The following CAMKMT variants were observed in gnomAD, a reference collection of about 807,000 sequenced individuals.
CAMKMT encodes the protein calmodulin-lysine N-methyltransferase.
CAMKMT carries 53 observed loss-of-function variants against 48.0 expected under a neutral mutation model. That is an observed-to-expected ratio of 1.10 (90% CI 0.89 to 1.39). The LOEUF is 1.39. CAMKMT is among the 40% of genes most tolerant of loss of function. The probability of loss-of-function intolerance (pLI) is 0.00; values close to 1 mark genes in which losing one functional copy is unlikely to be tolerated. For synonymous variants in CAMKMT, 165 were observed against 152.3 expected (o/e 1.08, Z -0.61); for missense variants, 428 against 402.7 (o/e 1.06, Z -0.54).
chr2:44,373,796 G>A (rs1231925356), intron 2 of CAMKMT, among the ~76,000 whole-genome samples: 1 of 152,042 alleles, frequency 6.6e-6, no homozygotes, highest in Non-Finnish European at 1.5e-5. Flanking sequence ...GGGCAGGAAA[G>A]AACAATTAGA....
chr2:44,414,059 A>C (rs1001792352), intron 3 of CAMKMT, among the ~76,000 whole-genome samples: 68 of 152,304 alleles, frequency 4.5e-4, no homozygotes, highest in African/African-American at 1.5e-3. Flanking sequence ...ATACATTGGC[A>C]GGATAACTTG....
intron 3 of CAMKMT, among the ~76,000 whole-genome samples, chr2:44,577,522 G>A (rs1011751800): frequency 5.3e-5 from 8 of 152,118 alleles, no homozygotes; most frequent in Non-Finnish European, 2.9e-5. Flanking sequence ...GGGAGGCTGA[G>A]ATGGGAGGAT....
chr2:44,633,388 G>A (rs1205436532), intron 3 of CAMKMT, among the ~76,000 whole-genome samples: 1 of 152,000 alleles, frequency 6.6e-6, no homozygotes, highest in African/African-American at 2.4e-5. Flanking sequence ...ATTCCTGTGG[G>A]GCATCAATTA....
chr2:44,463,473 G>A (rs763874900), intron 3 of CAMKMT, among the ~76,000 whole-genome samples: 9 of 152,156 alleles, frequency 5.9e-5, no homozygotes, highest in Non-Finnish European at 1.2e-4. Context: ...TGCCTTGAGA[G>A]GAAAACAGAA....
intron 3 of CAMKMT, among the ~76,000 whole-genome samples, chr2:44,623,058 A>C (rs1232620305): frequency 6.6e-6 from 1 of 151,910 alleles, no homozygotes; most frequent in Non-Finnish European, 1.5e-5. Context: ...TATGTCGGTG[A>C]TTTGCATTTC....
intron 9 of CAMKMT, among the ~76,000 whole-genome samples, chr2:44,762,140 A>T (rs1301400728): frequency 6.6e-6 from 1 of 152,172 alleles, no homozygotes; most frequent in Admixed American, 6.5e-5. Context: ...AGACAGAGAG[A>T]CTGAGAGAGA....
chr2:44,433,325 T>A (rs1306822289), intron 3 of CAMKMT, among the ~76,000 whole-genome samples: 7 of 152,108 alleles, frequency 4.6e-5, no homozygotes, highest in African/African-American at 1.7e-4. Context: ...GCAATAGAAG[T>A]GAAGAAAGAT....
chr2:44,656,085 A>G (rs1015979497), intron 3 of CAMKMT, among the ~76,000 whole-genome samples: 1 of 152,244 alleles, frequency 6.6e-6, no homozygotes, highest in African/African-American at 2.4e-5. Flanking sequence ...AAGAGATTAT[A>G]GCACTATGAG....
intron 6 of CAMKMT, among the ~76,000 whole-genome samples, chr2:44,711,054 C>G (rs115970362): frequency 6.6e-6 from 1 of 152,254 alleles, no homozygotes; most frequent in African/African-American, 2.4e-5. Context: ...TTATTTAATA[C>G]AATCCCTGAC....
At chr2:44,546,202 C>CACAT (rs1205658214) in intron 3 of CAMKMT, among the ~76,000 whole-genome samples, 1 of 138,926 alleles carries the variant, frequency 7.2e-6, no homozygotes, top group South Asian at 2.4e-4. Context: ...CACACACACA[C>CACAT]ATACATGCAC....
At chr2:44,423,758 T>G (rs1490711084) in intron 3 of CAMKMT, among the ~76,000 whole-genome samples, 2 of 152,176 alleles carry the variant, frequency 1.3e-5, no homozygotes, top group African/African-American at 2.4e-5. Flanking sequence ...ATACATACAG[T>G]TAAAATAAAA....
intron 3 of CAMKMT, among the ~76,000 whole-genome samples, chr2:44,577,436 T>A (rs1396727635): frequency 2.6e-5 from 4 of 152,026 alleles, no homozygotes; most frequent in Non-Finnish European, 5.9e-5. Flanking sequence ...CTAGGCAACA[T>A]GATGAGACCC....
intron 3 of CAMKMT, among the ~76,000 whole-genome samples, chr2:44,502,689 G>C (rs907555279): frequency 6.6e-6 from 1 of 152,006 alleles, no homozygotes; most frequent in African/African-American, 2.4e-5. Flanking sequence ...TATTTTAAAG[G>C]AAAAAGAACA....
At chr2:44,549,389 G>A (rs1212565632) in intron 3 of CAMKMT, among the ~76,000 whole-genome samples, 1 of 152,114 alleles carries the variant, frequency 6.6e-6, no homozygotes, top group East Asian at 1.9e-4. Context: ...AATGTACAGA[G>A]TGACAAACAT....
rs368649024 is a variant in CAMKMT, at chr2:44,766,514, C to G, written c.847C>G (p.Gln283Glu). The G allele has an allele frequency of 7.4e-6, 12 of 1,613,952 alleles. No homozygotes were observed. The African/African-American group carries it at 1.6e-4, about 22-fold the overall frequency. ...NLAEKAGFCI[Q>E]RHENYDEHIS... ...AGCTGAAAAAGCTGGTTTCTGTATC[C>G]AAAGACATGAAAATTATGATGAACA... The change falls in exon 10 of 11, where the codon CAA becomes GAA. Residue 283 changes from glutamine to glutamate, a missense_variant. Physicochemically the swap from Gln to Glu is conservative, Grantham distance 29. Coordinates refer to ENST00000378494, the MANE Select transcript of CAMKMT (RefSeq NM_024766.5).
chr2:44,614,328 A>G (rs1382992825), intron 3 of CAMKMT, among the ~76,000 whole-genome samples: 1 of 152,212 alleles, frequency 6.6e-6, no homozygotes, highest in Non-Finnish European at 1.5e-5. Context: ...TGACTGAAAT[A>G]CAGTTCCTGT....
chr2:44,571,200 A>C (rs993613511), intron 3 of CAMKMT, among the ~76,000 whole-genome samples: 3 of 152,208 alleles, frequency 2.0e-5, no homozygotes, highest in Non-Finnish European at 2.9e-5. Flanking sequence ...TAAAATTTGA[A>C]TAGAAAGGTA....
chr2:44,543,063 T>G (rs1261571482), intron 3 of CAMKMT, among the ~76,000 whole-genome samples: 1 of 152,218 alleles, frequency 6.6e-6, no homozygotes, highest in Admixed American at 6.5e-5. Context: ...TATCTTTAAC[T>G]AGGGGAATAA....
At chr2:44,406,196 G>A (rs186912745) in intron 3 of CAMKMT, among the ~76,000 whole-genome samples, 53 of 152,196 alleles carry the variant, frequency 3.5e-4, no homozygotes, top group Admixed American at 3.9e-4. Context: ...GTTTTAGTAT[G>A]CCTCTAATTA....
Sources: allele counts gnomAD v4.1 joint callset (sites outside exome capture counted in the v4.1 genomes callset), GRCh38; gene constraint gnomAD v4.1.1; transcripts MANE v1.5; gene names NCBI Gene and HGNC (gene_info 2026-07-23, HGNC 2026-07-21).